Variants in FGD6 observed in about 807,000 individuals in gnomAD.
FGD6 encodes FYVE, RhoGEF and PH domain containing 6.
A neutral mutation model predicts 149.4 loss-of-function variants in FGD6; 90 were observed. The observed-to-expected ratio is 0.60, with a 90% CI of 0.51 to 0.72. The LOEUF is 0.72. FGD6 is among the 30% of genes least tolerant of loss of function. The pLI is 0.00. For missense variants in FGD6, 1,437 were observed against 1,684.8 expected, an observed-to-expected ratio of 0.85 and a Z score of 2.57; for synonymous variants, 527 against 584.0, an observed-to-expected ratio of 0.90 and a Z score of 1.41.
rs757831180 is a variant in FGD6 at position 95,209,137 on chromosome 12, C to G, written c.2147G>C (p.Gly716Ala). The G allele has an allele frequency of 3.5e-5, 56 of 1,614,054 alleles. No homozygotes were observed. The highest frequency in any genetic ancestry group is 3.3e-4 in the Middle Eastern group (2 of 6,084). ...GTCATCCAAAGACTCAGCTCTCAGA[C>G]CATTAGCTGCACTGGTCTGGCCCCG... ...KSRGQTSAAN[G>A]LRAESLDDQM... Residue 716 changes from glycine to alanine, a missense_variant, in exon 2 of 21, where the codon GGT becomes GCT. By Grantham distance (60) the Gly-to-Ala change is moderately conservative. Around this residue, in one of 2 missense-constraint regions of FGD6, gnomAD observed 1,055 missense variants for 1,146.0 expected, o/e 0.92. Transcript: ENST00000343958.
intron 3 of FGD6, among the ~76,000 whole-genome samples, chr12:95,161,557 G>A (rs1160808208): frequency 6.6e-6 from 1 of 152,142 alleles, no homozygotes; most frequent in African/African-American, 2.4e-5. Context: ...TTGGATCTAT[G>A]CTCCAGGCTT....
chr12:95,121,954 A>T (rs545622868), intron 8 of FGD6, among the ~76,000 whole-genome samples: 12 of 152,296 alleles, frequency 7.9e-5, no homozygotes, highest in Non-Finnish European at 1.5e-4. Context: ...CATACATTAG[A>T]TTCTTATAAA....
intron 2 of FGD6, among the ~76,000 whole-genome samples, chr12:95,193,739 G>A (rs950635733): frequency 4.6e-5 from 7 of 151,950 alleles, no homozygotes; most frequent in African/African-American, 1.7e-4. Flanking sequence ...ATGTTGGCCA[G>A]GCTGGTCTCA....
At chr12:95,140,673 G>A (rs1173926146) in intron 6 of FGD6, among the ~76,000 whole-genome samples, 1 of 152,078 alleles carries the variant, frequency 6.6e-6, no homozygotes, top group Non-Finnish European at 1.5e-5. Context: ...TCAGTGAACG[G>A]CCTCTTTTTC....
At chr12:95,121,065 TATA>T (rs1879170388) in intron 8 of FGD6, among the ~76,000 whole-genome samples, 1 of 152,202 alleles carries the variant, frequency 6.6e-6, no homozygotes, top group Non-Finnish European at 1.5e-5. Context: ...TTTAAACTTT[TATA>T]ATATTTTAAT....
At chr12:95,099,606 A>G (rs1004419969) in intron 14 of FGD6, among the ~76,000 whole-genome samples, 16 of 152,076 alleles carry the variant, frequency 1.1e-4, no homozygotes, top group African/African-American at 3.9e-4. Flanking sequence ...GCCCATTAGT[A>G]ATCCTATTGG....
chr12:95,155,842 C>T (rs560017240), intron 3 of FGD6, among the ~76,000 whole-genome samples: 1 of 152,154 alleles, frequency 6.6e-6, no homozygotes, highest in African/African-American at 2.4e-5. Context: ...GAAGCCATGG[C>T]AGAAGAACAT....
chr12:95,154,599 A>G (rs1439867414), intron 3 of FGD6, among the ~76,000 whole-genome samples: 2 of 152,220 alleles, frequency 1.3e-5, no homozygotes, highest in Non-Finnish European at 2.9e-5. Flanking sequence ...GCTGACATTA[A>G]AACGAAAATG....
chr12:95,131,256 G>A (rs970196535), intron 8 of FGD6, among the ~76,000 whole-genome samples: 2 of 151,964 alleles, frequency 1.3e-5, no homozygotes, highest in Admixed American at 6.6e-5. Flanking sequence ...TTATGGGCAT[G>A]TGCCACCATG....
Position 95,092,818 on chromosome 12 carries a change from T to G in FGD6, c.3628A>C (p.Ser1210Arg), listed in dbSNP as rs1217059652. 5 of 1,613,390 alleles carry G rather than the reference T, an allele frequency of 3.1e-6. No individual in the cohort carries two copies. The South Asian group carries it at 4.4e-5, about 14-fold the overall frequency. Reference protein sequence around the residue: ...EADSENKEEVSPLGSKAPIWI... With the variant: ...EADSENKEEVRPLGSKAPIWI... ...ATGGGAGCCTTCGATCCAAGAGGACTAACTTCTTCTTTATTTTCTGAGTCT... is the reference window on the plus strand; with the variant it reads ...ATGGGAGCCTTCGATCCAAGAGGACGAACTTCTTCTTTATTTTCTGAGTCT... The change falls in exon 16 of 21, where the codon AGT becomes CGT. Residue 1210 changes from serine (S) to arginine (R), a missense_variant. Around this residue, in one of 2 missense-constraint regions of FGD6, gnomAD observed 382 missense variants for 538.7 expected, o/e 0.71. Transcript: ENST00000343958.
chr12:95,199,350 A>ATGTTAATTTCTCACTTT (rs1348628741), intron 2 of FGD6, among the ~76,000 whole-genome samples: 135 of 152,294 alleles, frequency 8.9e-4, no homozygotes, highest in African/African-American at 3.1e-3. Flanking sequence ...TAACAGACAT[A>ATGTTAATTTCTCACTTT]TGTTAATTTC....
chr12:95,153,958 A>T (rs35450836), intron 3 of FGD6, among the ~76,000 whole-genome samples: 6,147 of 147,956 alleles, frequency 0.042, 188 homozygotes, highest in Admixed American at 0.1. Context: ...AGTGAGAGAG[A>T]GAAGAGACAG....
At chr12:95,085,093 A>G (rs1184177100) in intron 19 of FGD6, among the ~76,000 whole-genome samples, 3 of 152,188 alleles carry the variant, frequency 2.0e-5, no homozygotes, top group Non-Finnish European at 2.9e-5. Flanking sequence ...AACTGCTAGA[A>G]TTGTTTATAA....
intron 18 of FGD6, 52 bp from the exon 19 acceptor site, chr12:95,085,960 A>C: frequency 1.3e-6 from 2 of 1,539,880 alleles, no homozygotes; most frequent in Non-Finnish European, 1.7e-6. Flanking sequence ...AAATTATAAC[A>C]GCAAAATTAT....
rs568369911 is a variant in FGD6, at chr12:95,208,438, C to T, written c.2441+405G>A. On this transcript the variant is annotated intron_variant, in intron 2 of 20. Coordinates refer to ENST00000343958, the MANE Select transcript of FGD6 (RefSeq NM_018351.4). ...GGTTCCACCTGATAAGCGCACCACA[C>T]GTAAATGCCTACATATTTCAGTAAC... Among the ~76,000 whole-genome samples, 5 of 152,188 alleles carry T rather than the reference C, an allele frequency of 3.3e-5. No homozygotes were observed. In the South Asian group the frequency reaches 1.0e-3, roughly 32 times the overall value.
At chr12:95,183,123 A>G (rs549794795) in intron 2 of FGD6, among the ~76,000 whole-genome samples, 76 of 152,338 alleles carry the variant, frequency 5.0e-4, no homozygotes, top group African/African-American at 1.8e-3. Flanking sequence ...CATCTGGGGA[A>G]AATCAGAAGG....
intron 8 of FGD6, among the ~76,000 whole-genome samples, chr12:95,132,170 G>C (rs983440046): frequency 3.9e-5 from 6 of 152,072 alleles, no homozygotes; most frequent in African/African-American, 1.4e-4. Flanking sequence ...TTTTGTTTAA[G>C]AGACGGAATT....
At chr12:95,094,394 A>C (rs1592827870) in intron 15 of FGD6, among the ~76,000 whole-genome samples, 198 bp downstream of exon 15, 1 of 152,174 alleles carries the variant, frequency 6.6e-6, no homozygotes, top group South Asian at 2.1e-4. Context: ...GCTATATGCT[A>C]TCACAGACTT....
At chr12:95,162,459 G>A (rs978186480) in intron 3 of FGD6, among the ~76,000 whole-genome samples, 13 of 152,114 alleles carry the variant, frequency 8.5e-5, no homozygotes, top group Non-Finnish European at 1.5e-4. Flanking sequence ...CCTGAGAGGC[G>A]GAGGCTGCAG....
Sources: gnomAD v4.1 joint callset for allele counts (sites outside exome capture counted in the v4.1 genomes callset) on GRCh38, gnomAD v4.1.1 for gene constraint, gnomAD v4.1.1 regional missense constraint, MANE v1.5 for transcripts, NCBI Gene and HGNC (gene_info 2026-07-23, HGNC 2026-07-21) for gene names.